The following CDKAL1 variants were observed in gnomAD, a reference collection of about 807,000 sequenced individuals.
CDKAL1 encodes threonylcarbamoyladenosine tRNA methylthiotransferase.
Under a neutral mutation model 68.2 loss-of-function variants are expected in CDKAL1, and 32 were observed. The observed-to-expected ratio is 0.47, with a 90% CI of 0.35 to 0.63. CDKAL1 has a LOEUF of 0.63. Among genes scored for constraint, CDKAL1 ranks in the 30% least tolerant of loss-of-function variants. The pLI, the probability that CDKAL1 is intolerant of heterozygous loss-of-function variation, is 0.00. For missense variants in CDKAL1, 606 were observed against 696.7 expected, an observed-to-expected ratio of 0.87 and a Z score of 1.47; for synonymous variants, 234 against 244.3, an observed-to-expected ratio of 0.96 and a Z score of 0.39.
intron 6 of CDKAL1, among the ~76,000 whole-genome samples, chr6:20,740,002 AC>A (rs1382848169): frequency 6.6e-6 from 1 of 152,004 alleles, no homozygotes; most frequent in Non-Finnish European, 1.5e-5. Flanking sequence ...CTTCCCTTAT[AC>A]CTACCACCAC....
At chr6:20,806,523 G>C (rs964770393) in intron 8 of CDKAL1, among the ~76,000 whole-genome samples, 2 of 152,106 alleles carry the variant, frequency 1.3e-5, no homozygotes, top group Non-Finnish European at 2.9e-5. Context: ...TGGTAGTTCT[G>C]TTTTAAGTTC....
chr6:21,056,957 C>T (rs935609762), intron 11 of CDKAL1, among the ~76,000 whole-genome samples: 1 of 152,112 alleles, frequency 6.6e-6, no homozygotes, highest in South Asian at 2.1e-4. Context: ...CATTGATGTT[C>T]ATCAGGGATA....
intron 5 of CDKAL1, 95 bp downstream of exon 5, chr6:20,649,472 G>C: frequency 1.5e-6 from 1 of 651,558 alleles, no homozygotes; most frequent in Non-Finnish European, 2.6e-6. Flanking sequence ...TAGATATTTA[G>C]TTTATATTAA....
At chr6:20,560,625 T>C (rs1764230106) in intron 4 of CDKAL1, among the ~76,000 whole-genome samples, 1 of 152,200 alleles carries the variant, frequency 6.6e-6, no homozygotes, top group Non-Finnish European at 1.5e-5. Flanking sequence ...TCTATTAACA[T>C]ATAATATGGT....
At position 21,227,325 on chromosome 6, in the gene CDKAL1, A is replaced by G. The variant is rs554771504; in HGVS notation, c.1549-3523A>G. Among the ~76,000 whole-genome samples, 9 of 152,150 alleles carry G rather than the reference A, an allele frequency of 5.9e-5. No homozygotes were observed. In the South Asian group the frequency reaches 1.9e-3, roughly 32 times the overall value. ...GACTTTATAAGATCTCATATTTCCC[A>G]TATTTCTAAACTACTTTTTCTTAAG... On this transcript the variant is annotated intron_variant, in intron 15 of 15. Coordinates refer to ENST00000274695, the MANE Select transcript of CDKAL1 (RefSeq NM_017774.3).
chr6:21,216,541 C>G (rs1016542579), intron 15 of CDKAL1, among the ~76,000 whole-genome samples: 1 of 152,052 alleles, frequency 6.6e-6, no homozygotes, highest in Non-Finnish European at 1.5e-5. Context: ...TCCACATTGA[C>G]CAATCATTTT....
intron 13 of CDKAL1, among the ~76,000 whole-genome samples, chr6:21,177,768 G>A (rs762468251): frequency 9.3e-5 from 14 of 150,822 alleles, no homozygotes; most frequent in Admixed American, 2.6e-4. Flanking sequence ...CATTATTTAC[G>A]AATATATTTG....
intron 15 of CDKAL1, among the ~76,000 whole-genome samples, chr6:21,202,334 C>T (rs1313072649): frequency 1.3e-5 from 2 of 151,986 alleles, no homozygotes; most frequent in Admixed American, 1.3e-4. Flanking sequence ...ATGCATCAGC[C>T]TGCATGATCA....
chr6:21,199,422 T>G (rs976960283), intron 14 of CDKAL1, among the ~76,000 whole-genome samples: 4 of 152,208 alleles, frequency 2.6e-5, no homozygotes, highest in African/African-American at 9.7e-5. Flanking sequence ...CCCATCTCAT[T>G]AATATACCCC....
At chr6:20,744,554 G>A (rs962285375) in intron 6 of CDKAL1, among the ~76,000 whole-genome samples, 2 of 152,112 alleles carry the variant, frequency 1.3e-5, no homozygotes, top group African/African-American at 2.4e-5. Flanking sequence ...CAGCTTCCTG[G>A]AGAATCTAGT....
chr6:20,630,058 A>G (rs1767607628), intron 4 of CDKAL1, among the ~76,000 whole-genome samples: 1 of 151,896 alleles, frequency 6.6e-6, no homozygotes, highest in Non-Finnish European at 1.5e-5. Flanking sequence ...ATTTTTAGAT[A>G]GAGTTTCACC....
intron 15 of CDKAL1, among the ~76,000 whole-genome samples, chr6:21,206,689 G>C (rs1420281281): frequency 2.0e-5 from 3 of 152,114 alleles, no homozygotes; most frequent in African/African-American, 7.2e-5. Flanking sequence ...GAGTCTGTCA[G>C]GTTTGGGTTC....
At chr6:21,164,889 C>G (rs1355856485) in intron 13 of CDKAL1, among the ~76,000 whole-genome samples, 1 of 152,168 alleles carries the variant, frequency 6.6e-6, no homozygotes, top group African/African-American at 2.4e-5. Flanking sequence ...ATGTCTTTGC[C>G]ATCACTAGGC....
chr6:21,117,368 T>C (rs1280067074), intron 13 of CDKAL1, among the ~76,000 whole-genome samples: 3 of 151,910 alleles, frequency 2.0e-5, no homozygotes, highest in African/African-American at 7.3e-5. Flanking sequence ...AGAGCACAGT[T>C]GGTTCTCGCC....
intron 13 of CDKAL1, among the ~76,000 whole-genome samples, chr6:21,162,163 G>A (rs780034991): frequency 1.3e-5 from 2 of 152,158 alleles, no homozygotes; most frequent in African/African-American, 4.8e-5. Context: ...AATTTGCCAA[G>A]CCAATTTAAG....
intron 4 of CDKAL1, among the ~76,000 whole-genome samples, chr6:20,550,860 C>CTTT (rs70990044): frequency 1.4e-3 from 104 of 72,930 alleles, no homozygotes; most frequent in East Asian, 2.2e-3. Flanking sequence ...GAGGTTGTGT[C>CTTT]TTTTTTTTTT....
chr6:21,083,009 G>GCATGCACC (rs1772491753), intron 12 of CDKAL1, among the ~76,000 whole-genome samples: 1 of 151,678 alleles, frequency 6.6e-6, no homozygotes, highest in Non-Finnish European at 1.5e-5. Context: ...AAGTAGCTGG[G>GCATGCACC]ACTACAGGCA....
At chr6:21,181,879 G>GACT (rs1451494358) in intron 13 of CDKAL1, among the ~76,000 whole-genome samples, 7 of 152,010 alleles carry the variant, frequency 4.6e-5, no homozygotes, top group Non-Finnish European at 1.0e-4. Context: ...TGTACTGATA[G>GACT]ACTACCTGTT....
At chr6:21,148,485 T>C (rs1257507476) in intron 13 of CDKAL1, among the ~76,000 whole-genome samples, 1 of 152,234 alleles carries the variant, frequency 6.6e-6, no homozygotes, top group Non-Finnish European at 1.5e-5. Flanking sequence ...GTGGTTGTTT[T>C]ATGAAATTCA....
Sources: gnomAD v4.1 joint callset for allele counts (sites outside exome capture counted in the v4.1 genomes callset) on GRCh38, gnomAD v4.1.1 for gene constraint, MANE v1.5 for transcripts, NCBI Gene and HGNC (gene_info 2026-07-23, HGNC 2026-07-21) for gene names.